The following CDK19 variants were observed in gnomAD, a reference collection of about 807,000 sequenced individuals.
The protein encoded by CDK19 is cyclin dependent kinase 19.
A neutral mutation model predicts 68.3 loss-of-function variants in CDK19; 20 were observed. The ratio of observed to expected loss-of-function variants is 0.29; its 90% CI spans 0.21 to 0.43. The LOEUF is 0.43. CDK19 is among the 20% of genes least tolerant of loss of function. The pLI, the probability that CDK19 is intolerant of heterozygous loss-of-function variation, is 1.00. For synonymous variants in CDK19, 221 were observed against 222.8 expected, an observed-to-expected ratio of 0.99 and a Z score of 0.07; for missense variants, 339 against 623.5, an observed-to-expected ratio of 0.54 and a Z score of 4.86.
chr6:110,621,264 T>C lies in CDK19; in HGVS notation c.1217A>G (p.Asn406Ser). Residue 406 changes from asparagine (N) to serine (S), a missense_variant, in exon 12 of 13, where the codon AAC becomes AGC. Physicochemically the swap from Asn to Ser is conservative, Grantham distance 46 (BLOSUM62 1). This residue lies in a region of CDK19 where 155 missense variants were observed against 222.7 expected (regional missense o/e 0.70). Coordinates refer to ENST00000368911, the MANE Select transcript of CDK19 (RefSeq NM_015076.5). The surrounding 1 kb of genome is among the most constrained non-coding windows in gnomAD (Gnocchi z 5.4). ...PPPQQNSTQT[N>S]GTAGGAGAGV... Reference sequence around the variant, plus strand: ...GGCCCCAGCCCCACCTGCGGTCCCGTTGGTCTGGGTGCTGTTCTGCTGTGG... The same window carrying C: ...GGCCCCAGCCCCACCTGCGGTCCCGCTGGTCTGGGTGCTGTTCTGCTGTGG... 2 of 1,613,096 alleles carry C rather than the reference T, an allele frequency of 1.2e-6. No individual in the cohort carries two copies. The highest frequency in any genetic ancestry group is 1.7e-6 in the Non-Finnish European group (2 of 1,179,824).
chr6:110,685,006 CT>C (rs1317390595), intron 2 of CDK19, among the ~76,000 whole-genome samples: 1 of 152,116 alleles, frequency 6.6e-6, no homozygotes, highest in African/African-American at 2.4e-5. Flanking sequence ...GGCATGGTGG[CT>C]TGTGCCTGTA....
Position 110,617,856 on chromosome 6 carries a change from C to CAAA in CDK19, c.1378-3193_1378-3191dup, listed in dbSNP as rs58620857. ...TGGGTGACACAGTGAGACTCTGTCTCAAAAAAAAAAAAAAAAAAAAAAAAA... is the reference window on the plus strand; with the variant it reads ...TGGGTGACACAGTGAGACTCTGTCTCAAAAAAAAAAAAAAAAAAAAAAAAAAAA... On this transcript the variant is annotated intron_variant, in intron 12 of 12. Transcript: ENST00000368911. Among the ~76,000 whole-genome samples the CAAA allele has an allele frequency of 1.2e-3, 21 of 17,352 alleles. 2 individuals carry two copies. The East Asian group carries it at 0.018, about 15-fold the overall frequency. 11.4% of individuals were successfully genotyped at this position (17,352 alleles called of 152,430 possible).
Position 110,670,415 on chromosome 6 carries a change from G to A in CDK19, c.315+16C>T. The A allele has an allele frequency of 7.3e-7, 1 of 1,378,392 alleles. No homozygotes were observed. The highest frequency in any genetic ancestry group is 1.2e-5 in the South Asian group (1 of 86,052). 85.4% of individuals were successfully genotyped at this position (1,378,392 alleles called of 1,614,324 possible). ...TATATAAAACAATCCTAGAAATACA[G>A]TGAGATTATACTTACCCACAAGTCA... On this transcript the variant is annotated intron_variant, in intron 3 of 12. Transcript: ENST00000368911.
chr6:110,746,679 AC>A (rs1778098844), intron 1 of CDK19, among the ~76,000 whole-genome samples: 1 of 152,078 alleles, frequency 6.6e-6, no homozygotes, highest in Non-Finnish European at 1.5e-5. Context: ...ACTGTATCTC[AC>A]CTAGCATGGG....
chr6:110,625,868 A>G (rs959488677), intron 8 of CDK19, among the ~76,000 whole-genome samples: 2 of 152,184 alleles, frequency 1.3e-5, no homozygotes, highest in Non-Finnish European at 2.9e-5. Context: ...TTTTGTTCCT[A>G]TAAGCCATCC....
intron 2 of CDK19, among the ~76,000 whole-genome samples, chr6:110,738,032 T>C (rs1320760849): frequency 1.3e-5 from 2 of 152,012 alleles, no homozygotes; most frequent in Non-Finnish European, 2.9e-5. Context: ...ATGTTAAAAG[T>C]CTGAAAAAAA....
intron 2 of CDK19, among the ~76,000 whole-genome samples, chr6:110,725,430 T>C (rs573629049): frequency 6.6e-6 from 1 of 152,250 alleles, no homozygotes; most frequent in Admixed American, 6.5e-5. Flanking sequence ...AAACTGAATA[T>C]TACTAAACAC....
rs1777990275 is a variant in CDK19 at position 110,610,907 on chromosome 6, C to A, written c.*3628G>T. 1 of 152,120 alleles carries A rather than the reference C, an allele frequency of 6.6e-6. No homozygotes were observed. The highest frequency in any genetic ancestry group is 1.5e-5 in the Non-Finnish European group (1 of 68,016). The allele number at this position is 152,120 out of a possible 1,614,324, so 9.4% of individuals were successfully genotyped here. ...AGCATCATTTTAGAGGCATAGAGAACAAGTAGCAGTTGCTTCACCAGGAAT... is the reference window on the plus strand; with the variant it reads ...AGCATCATTTTAGAGGCATAGAGAAAAAGTAGCAGTTGCTTCACCAGGAAT... On this transcript the variant is annotated 3_prime_UTR_variant, in exon 13 of 13. Transcript: ENST00000368911.
chr6:110,649,817 G>C (rs1459702836), intron 4 of CDK19, among the ~76,000 whole-genome samples: 1 of 152,042 alleles, frequency 6.6e-6, no homozygotes, highest in Non-Finnish European at 1.5e-5. Context: ...CCTACTAGAT[G>C]GGTTCAAAAT....
At chr6:110,695,425 A>G (rs566155979) in intron 2 of CDK19, among the ~76,000 whole-genome samples, 1 of 152,332 alleles carries the variant, frequency 6.6e-6, no homozygotes, top group South Asian at 2.1e-4. Context: ...CTGACAACCT[A>G]AAGTCACACC....
chr6:110,788,633 C>A (rs369919231), intron 1 of CDK19, among the ~76,000 whole-genome samples: 26 of 152,128 alleles, frequency 1.7e-4, no homozygotes, highest in African/African-American at 5.8e-4. Context: ...AGCAATCCTG[C>A]ACCCACAGAG....
At chr6:110,664,071 A>C (rs1414602076) in intron 4 of CDK19, among the ~76,000 whole-genome samples, 5 of 152,194 alleles carry the variant, frequency 3.3e-5, no homozygotes. Context: ...AAAAGACCCC[A>C]AAAACTCTCT....
intron 1 of CDK19, among the ~76,000 whole-genome samples, chr6:110,792,940 T>TGAG (rs1781700995): frequency 6.6e-6 from 1 of 152,170 alleles, no homozygotes; most frequent in African/African-American, 2.4e-5. Flanking sequence ...CAACAATCAG[T>TGAG]GAGGAGTATT....
At chr6:110,748,885 T>A (rs930986054) in intron 1 of CDK19, among the ~76,000 whole-genome samples, 45 of 152,374 alleles carry the variant, frequency 3.0e-4, no homozygotes, top group African/African-American at 1.1e-3. Flanking sequence ...CAATTTTTTA[T>A]TTTACATGAC....
At chr6:110,687,736 TTAC>T (rs1562197711) in intron 2 of CDK19, among the ~76,000 whole-genome samples, 1 of 152,330 alleles carries the variant, frequency 6.6e-6, no homozygotes, top group African/African-American at 2.4e-5. Flanking sequence ...AGCTATATTA[TTAC>T]ATGTGTGGCT....
At chr6:110,662,711 T>C (rs1781694186) in intron 4 of CDK19, among the ~76,000 whole-genome samples, 1 of 152,184 alleles carries the variant, frequency 6.6e-6, no homozygotes, top group African/African-American at 2.4e-5. Flanking sequence ...CCCATAAAAA[T>C]GAGTCATCCT....
At chr6:110,623,870 T>C (rs1778899312) in intron 8 of CDK19, among the ~76,000 whole-genome samples, 2 of 109,780 alleles carry the variant, frequency 1.8e-5, no homozygotes, top group Admixed American at 1.1e-4. Context: ...ACATATATAG[T>C]ATATATACGT....
At chr6:110,699,068 A>G (rs1219801475) in intron 2 of CDK19, among the ~76,000 whole-genome samples, 2 of 151,262 alleles carry the variant, frequency 1.3e-5, no homozygotes, top group Non-Finnish European at 2.9e-5. Context: ...AAAAAAAAAA[A>G]AAGTGGTATA....
At chr6:110,752,534 T>C (rs1438481769) in intron 1 of CDK19, among the ~76,000 whole-genome samples, 1 of 152,220 alleles carries the variant, frequency 6.6e-6, no homozygotes, top group Non-Finnish European at 1.5e-5. Flanking sequence ...TGCTTTCCTT[T>C]CCTTTTCTGA....
Sources: gnomAD v4.1 joint callset for allele counts (sites outside exome capture counted in the v4.1 genomes callset) on GRCh38, gnomAD v4.1.1 for gene constraint, gnomAD v4.1.1 regional missense constraint, Gnocchi (gnomAD v3.1) non-coding constraint, MANE v1.5 for transcripts, NCBI Gene and HGNC (gene_info 2026-07-23, HGNC 2026-07-21) for gene names.